ENOX2: variants seen among roughly 807,000 people sequenced by gnomAD.
The protein encoded by ENOX2 is APK1 antigen.
A neutral mutation model predicts 45.0 loss-of-function variants in ENOX2; 36 were observed. The observed-to-expected ratio is 0.80, with a 90% CI of 0.61 to 1.06. ENOX2 has a LOEUF of 1.06. Ranked by LOEUF, ENOX2 falls within the 50% of genes least tolerant of loss-of-function variation. ENOX2 has a pLI of 0.00. For missense variants in ENOX2, 423 were observed against 462.5 expected (o/e 0.91, Z 0.78); for synonymous variants, 174 against 152.3 (o/e 1.14, Z -1.05).
chrX:130,789,363 A>G (rs2077009521), intron 2 of ENOX2, among the ~76,000 whole-genome samples: 1 of 112,296 alleles, frequency 8.9e-6, no homozygotes, highest in African/African-American at 3.2e-5. Flanking sequence ...ATTAGGACCA[A>G]CCTTCATGAT....
chrX:130,762,434 T>C (rs888881984), intron 3 of ENOX2, among the ~76,000 whole-genome samples: 4 of 111,666 alleles, frequency 3.6e-5, no homozygotes, highest in Non-Finnish European at 7.5e-5. Flanking sequence ...ATTTAAAAAT[T>C]AGCTGAGTAT....
chrX:130,781,293 G>A (rs1161405487), intron 3 of ENOX2, among the ~76,000 whole-genome samples: 1 of 111,659 alleles, frequency 9.0e-6, no homozygotes, highest in Non-Finnish European at 1.9e-5. Context: ...AAGATTTCAA[G>A]GGAGCTAATT....
intron 3 of ENOX2, among the ~76,000 whole-genome samples, chrX:130,766,205 T>C (rs191452124): frequency 6.1e-4 from 68 of 111,741 alleles, no homozygotes; most frequent in Admixed American, 3.8e-3. Context: ...TGATTCATAA[T>C]GATGTTTTAT....
intron 2 of ENOX2, among the ~76,000 whole-genome samples, chrX:130,809,761 ATG>A (rs1371746181): frequency 2.2e-4 from 24 of 110,271 alleles, no homozygotes; most frequent in Non-Finnish European, 4.0e-4. Flanking sequence ...GTGTGTGTGT[ATG>A]TGTGCATGTG....
chrX:130,835,639 G>A (rs1299728687), intron 2 of ENOX2, among the ~76,000 whole-genome samples: 1 of 110,955 alleles, frequency 9.0e-6, no homozygotes, highest in Non-Finnish European at 1.9e-5. Flanking sequence ...TAGGAGTCCC[G>A]AGGCCTGGGT....
At chrX:130,895,108 C>A (rs1046485357) in intron 2 of ENOX2, among the ~76,000 whole-genome samples, 2 of 111,604 alleles carry the variant, frequency 1.8e-5, no homozygotes, top group Non-Finnish European at 3.8e-5. Context: ...ACTGTGAGCT[C>A]CTTAAGGGCA....
intron 2 of ENOX2, among the ~76,000 whole-genome samples, chrX:130,883,684 G>A (rs928145870): frequency 9.0e-6 from 1 of 110,738 alleles, no homozygotes; most frequent in African/African-American, 3.3e-5. Context: ...AGCACACCAC[G>A]GACTGGTGTA....
intron 4 of ENOX2, among the ~76,000 whole-genome samples, chrX:130,700,552 T>C (rs2037873444): frequency 1.8e-5 from 2 of 112,259 alleles, no homozygotes; most frequent in South Asian, 3.7e-4. Context: ...CATATTAGCA[T>C]TGACAGTGGC....
intron 10 of ENOX2, among the ~76,000 whole-genome samples, chrX:130,646,601 G>A (rs190013298): frequency 8.9e-6 from 1 of 112,311 alleles, no homozygotes; most frequent in Non-Finnish European, 1.9e-5. Flanking sequence ...GGCAGTGTTG[G>A]CGTTCTTGCA....
At chrX:130,653,193 T>C (rs907428349) in intron 10 of ENOX2, among the ~76,000 whole-genome samples, 1 of 112,092 alleles carries the variant, frequency 8.9e-6, no homozygotes, top group Non-Finnish European at 1.9e-5. Context: ...CTCCTTTTCT[T>C]CTACCATTTT....
chrX:130,719,636 G>A (rs1326126396), intron 3 of ENOX2, among the ~76,000 whole-genome samples: 1 of 111,890 alleles, frequency 8.9e-6, no homozygotes, highest in African/African-American at 3.3e-5. Flanking sequence ...GGCGGCTGCA[G>A]CTATGGCAAC....
At chrX:130,744,576 G>A (rs2039057468) in intron 3 of ENOX2, among the ~76,000 whole-genome samples, 2 of 112,080 alleles carry the variant, frequency 1.8e-5, no homozygotes, top group Non-Finnish European at 3.8e-5. Flanking sequence ...CTGCATTTAT[G>A]ATAGGCAGGA....
At chrX:130,794,853 CTATT>C (rs2077095796) in intron 2 of ENOX2, among the ~76,000 whole-genome samples, 1 of 112,440 alleles carries the variant, frequency 8.9e-6, no homozygotes, top group Non-Finnish European at 1.9e-5. Context: ...CCTTCATTAA[CTATT>C]TATCCAATCA....
intron 10 of ENOX2, among the ~76,000 whole-genome samples, chrX:130,646,994 T>C (rs2148057858): frequency 8.9e-6 from 1 of 112,349 alleles, no homozygotes; most frequent in Admixed American, 9.4e-5. Context: ...ATCTAAAAAC[T>C]CAGACACTCT....
At chrX:130,748,038 A>G (rs2039135251) in intron 3 of ENOX2, among the ~76,000 whole-genome samples, 1 of 112,252 alleles carries the variant, frequency 8.9e-6, no homozygotes, top group Non-Finnish European at 1.9e-5. Context: ...GTGAAAATTC[A>G]GAATAAAAAC....
intron 5 of ENOX2, among the ~76,000 whole-genome samples, chrX:130,681,177 T>C (rs1267503602): frequency 8.9e-6 from 1 of 111,925 alleles, no homozygotes; most frequent in Non-Finnish European, 1.9e-5. Context: ...GAGGTTGTAG[T>C]TTGGGCCAAA....
chrX:130,830,924 G>A (rs1226565825), intron 2 of ENOX2, among the ~76,000 whole-genome samples: 1 of 111,540 alleles, frequency 9.0e-6, no homozygotes, highest in African/African-American at 3.3e-5. Context: ...CACAAACTGG[G>A]TAATTTATAA....
At chrX:130,666,010 C>G (rs1322113232) in intron 8 of ENOX2, among the ~76,000 whole-genome samples, 1 of 111,087 alleles carries the variant, frequency 9.0e-6, no homozygotes, top group African/African-American at 3.3e-5. Context: ...ATGGTAACAA[C>G]TAGAGTTTTA....
chrX:130,813,782 T>A (rs2077432544), intron 2 of ENOX2, among the ~76,000 whole-genome samples: 1 of 111,865 alleles, frequency 8.9e-6, no homozygotes, highest in Admixed American at 9.4e-5. Flanking sequence ...CAGGTGCCTA[T>A]ACCACCAGGG....
Sources: allele counts gnomAD v4.1 joint callset (sites outside exome capture counted in the v4.1 genomes callset), GRCh38; gene constraint gnomAD v4.1.1; transcripts MANE v1.5; gene names NCBI Gene and HGNC (gene_info 2026-07-23, HGNC 2026-07-21).